The following ABHD5 variants were observed in gnomAD, a reference collection of about 807,000 sequenced individuals.
ABHD5 encodes abhydrolase domain containing 5, lysophosphatidic acid acyltransferase.
ABHD5 carries 30 observed loss-of-function variants against 44.9 expected under a neutral mutation model. That is an observed-to-expected ratio of 0.67 (90% CI 0.50 to 0.91). ABHD5 has a LOEUF of 0.91. ABHD5 is among the 40% of genes least tolerant of loss of function. The pLI, the probability that ABHD5 is intolerant of heterozygous loss-of-function variation, is 0.00. For missense variants in ABHD5, 399 were observed against 423.4 expected (o/e 0.94, Z 0.50); for synonymous variants, 167 against 147.0 (o/e 1.14, Z -0.99).
rs190485367 is a variant in ABHD5, at chr3:43,722,613, T to G, written c.*4081T>G. On this transcript the variant is annotated 3_prime_UTR_variant, in exon 7 of 7. Coordinates refer to ENST00000644371, the MANE Select transcript of ABHD5 (RefSeq NM_016006.6). ...TTAACAGTCTGTCAAGTTGGTGATA[T>G]AACCCCACAGAAGACTTACTTCAAG... 1 of 152,216 alleles carries G rather than the reference T, an allele frequency of 6.6e-6. No homozygotes were observed. The highest frequency in any genetic ancestry group is 1.5e-5 in the Non-Finnish European group (1 of 68,030). 9.4% of individuals were successfully genotyped at this position (152,216 alleles called of 1,614,324 possible). A position where few individuals can be genotyped will look rare whatever the true frequency, so the allele number is the denominator to read the frequency against.
chr3:43,718,784 G>A lies in ABHD5; in HGVS notation c.*252G>A, dbSNP rs1235550422. 3 of 421,666 alleles carry A rather than the reference G, an allele frequency of 7.1e-6. No homozygotes were observed. Among genetic ancestry groups the A allele is most frequent in the Non-Finnish European group, 1.3e-5 (3 of 232,468 alleles). 26.1% of individuals were successfully genotyped at this position (421,666 alleles called of 1,614,324 possible). On this transcript the variant is annotated 3_prime_UTR_variant, in exon 7 of 7. Coordinates refer to ENST00000644371, the MANE Select transcript of ABHD5 (RefSeq NM_016006.6). Reference sequence around the variant, plus strand: ...TAAATATAATACCTTTAAATAAAAGGTTATTTGTCCCTCTGATGTACTGAA... The same window carrying A: ...TAAATATAATACCTTTAAATAAAAGATTATTTGTCCCTCTGATGTACTGAA...
At chr3:43,699,387 A>G (rs1462029898) in intron 2 of ABHD5, 26 bp downstream of exon 2, 1 of 1,582,820 alleles carries the variant, frequency 6.3e-7, no homozygotes, top group Admixed American at 1.7e-5. Context: ...TGTAAGTTAA[A>G]TGAGCTGTGT....
intron 3 of ABHD5, among the ~76,000 whole-genome samples, chr3:43,708,659 T>C (rs2084651812): frequency 6.6e-5 from 10 of 152,248 alleles, no homozygotes; most frequent in Admixed American, 5.9e-4. Flanking sequence ...TTATTTAAAA[T>C]TCTTAAAACC....
chr3:43,695,265 T>C (rs1260286223), intron 1 of ABHD5: 1 of 152,236 alleles, frequency 6.6e-6, no homozygotes, highest in Non-Finnish European at 1.5e-5. Context: ...TGGATGTTTT[T>C]AGTCATTGGT....
At chr3:43,728,835 A>C (rs764680712) in intron 7 of ABHD5, among the ~76,000 whole-genome samples, 4 of 152,138 alleles carry the variant, frequency 2.6e-5, no homozygotes, top group Admixed American at 1.3e-4. Flanking sequence ...CTTACACGTA[A>C]AGCCTGCGTG....
chr3:43,725,814 A>G (rs2084873520), downstream of ABHD5, among the ~76,000 whole-genome samples: 1 of 151,574 alleles, frequency 6.6e-6, no homozygotes, highest in Non-Finnish European at 1.5e-5. Flanking sequence ...AGACAAGTGC[A>G]TTGTTTATCA....
rs545727176 is a variant in ABHD5 at position 43,732,724 on chromosome 3, G to A, written c.*30-1156G>A. Among the ~76,000 whole-genome samples the A allele has an allele frequency of 1.2e-3, 181 of 152,270 alleles. 1 individual carries two copies. The highest frequency in any genetic ancestry group is 3.4e-3 in the African/African-American group (142 of 41,546). ...ACATTTATAATCTCATGGTTTCTGCGGATGAAGAATTCAGACATGGCTGAG... is the reference window on the plus strand; with the variant it reads ...ACATTTATAATCTCATGGTTTCTGCAGATGAAGAATTCAGACATGGCTGAG... On this transcript the variant is annotated intron_variant, in intron 7 of 7. Coordinates refer to the ABHD5 transcript ENST00000454293.
chr3:43,715,151 A>G (rs2084748065), intron 5 of ABHD5, 93 bp downstream of exon 5: 2 of 891,008 alleles, frequency 2.2e-6, no homozygotes, highest in Non-Finnish European at 3.6e-6. Context: ...TTTTTTTAAA[A>G]CTATTTATTT....
chr3:43,692,736 C>G (rs1277770491), intron 1 of ABHD5, among the ~76,000 whole-genome samples: 1 of 152,158 alleles, frequency 6.6e-6, no homozygotes, highest in African/African-American at 2.4e-5. Context: ...CAGCAAGTAG[C>G]AGGGCTGGAT....
At position 43,691,006 on chromosome 3, in the gene ABHD5, A is replaced by C. The variant is rs757473420; in HGVS notation, c.14A>C (p.Glu5Ala). The C allele has an allele frequency of 2.7e-5, 43 of 1,566,962 alleles. No homozygotes were observed. The highest frequency in any genetic ancestry group is 3.4e-4 in the Middle Eastern group (2 of 5,920). ...GCGGCGGCGGCTATGGCGGCGGAGGAGGAGGAGGTGGACTCTGCCGACACC... is the reference window on the plus strand; with the variant it reads ...GCGGCGGCGGCTATGGCGGCGGAGGCGGAGGAGGTGGACTCTGCCGACACC... MAAE[E>A]EEVDSADTGE... Residue 5 changes from glutamate to alanine, a missense_variant, in exon 1 of 7, where the codon GAG (glutamate) becomes GCG (alanine). Glu to Ala is a moderately radical substitution (Grantham distance 107). Coordinates refer to ENST00000644371, the MANE Select transcript of ABHD5 (RefSeq NM_016006.6).
chr3:43,716,556 G>A (rs2084765422), intron 5 of ABHD5, among the ~76,000 whole-genome samples: 1 of 152,116 alleles, frequency 6.6e-6, no homozygotes, highest in African/African-American at 2.4e-5. Flanking sequence ...GGTAGCTGTA[G>A]CCTCAGTCTT....
At chr3:43,732,891 G>A (rs1697261060) in intron 7 of ABHD5, among the ~76,000 whole-genome samples, 1 of 152,156 alleles carries the variant, frequency 6.6e-6, no homozygotes, top group Non-Finnish European at 1.5e-5. Flanking sequence ...AAGCTCATGT[G>A]GTTGTTGGGA....
downstream of ABHD5, among the ~76,000 whole-genome samples, chr3:43,726,101 T>C (rs1394702222): frequency 6.6e-6 from 1 of 152,132 alleles, no homozygotes; most frequent in African/African-American, 2.4e-5. Flanking sequence ...CCTGACCTCG[T>C]GATCCGGCCA....
chr3:43,718,583 C>T lies in ABHD5; in HGVS notation c.*51C>T, dbSNP rs1015583933. The stretch of plus-strand genomic sequence containing the variant: ...CCTGGTGACTGATATAGTTGTTCAG[C>T]AATAATTCATAGTCTGTGATGAAGA... On this transcript the variant is annotated 3_prime_UTR_variant, in exon 7 of 7. Transcript: ENST00000644371. The T allele has an allele frequency of 1.3e-6, 2 of 1,532,858 alleles. No homozygotes were observed. The highest frequency in any genetic ancestry group is 1.7e-5 in the Admixed American group (1 of 59,882). The allele number at this position is 1,532,858 out of a possible 1,614,324, so 95.0% of individuals were successfully genotyped here.
intron 1 of ABHD5, chr3:43,691,243 C>G (rs954894858): frequency 2.3e-6 from 1 of 440,418 alleles, no homozygotes; most frequent in Admixed American, 4.5e-5. Context: ...CCCTCAGCGT[C>G]GGGGCCCCGA....
At chr3:43,712,995 A>G (rs1366271498) in intron 4 of ABHD5, among the ~76,000 whole-genome samples, 1 of 152,002 alleles carries the variant, frequency 6.6e-6, no homozygotes, top group Non-Finnish European at 1.5e-5. Flanking sequence ...TTTCCTGGGC[A>G]TGTTGCTGCC....
At chr3:43,691,254 G>A (rs2084373587) in intron 1 of ABHD5, 1 of 414,088 alleles carries the variant, frequency 2.4e-6, no homozygotes, top group Non-Finnish European at 4.1e-6. Context: ...GGGGCCCCGA[G>A]GTGTCTGAGC....
chr3:43,701,959 A>G (rs1490924395), intron 2 of ABHD5: 5 of 415,750 alleles, frequency 1.2e-5, no homozygotes, highest in African/African-American at 6.0e-5. Context: ...TTAGAAGGTA[A>G]TATGACTTGC....
intron 3 of ABHD5, among the ~76,000 whole-genome samples, chr3:43,709,332 A>G (rs1481868705): frequency 6.6e-6 from 1 of 152,206 alleles, no homozygotes; most frequent in Middle Eastern, 3.2e-3. Context: ...GCCTTAGTAT[A>G]TATACTTTGC....
Sources: allele counts gnomAD v4.1 joint callset (sites outside exome capture counted in the v4.1 genomes callset), GRCh38; gene constraint gnomAD v4.1.1; transcripts MANE v1.5; gene names NCBI Gene and HGNC (gene_info 2026-07-23, HGNC 2026-07-21).